The following COG6 variants were observed in gnomAD, a reference collection of about 807,000 sequenced individuals.
COG6 encodes the protein component of oligomeric golgi complex 6, also known as conserved oligomeric Golgi complex subunit 6.
COG6 carries 74 observed loss-of-function variants against 88.8 expected under a neutral mutation model. The ratio of observed to expected loss-of-function variants is 0.83; its 90% CI spans 0.69 to 1.01. The LOEUF is 1.01. Ranked by LOEUF, COG6 falls within the 50% of genes least tolerant of loss-of-function variation. The pLI is 0.00. For synonymous variants in COG6, 286 were observed against 278.7 expected (o/e 1.03, Z -0.26); for missense variants, 800 against 797.9 (o/e 1.00, Z -0.03).
intron 13 of COG6, among the ~76,000 whole-genome samples, chr13:39,718,773 G>T (rs1255473895): frequency 6.6e-6 from 1 of 152,020 alleles, no homozygotes; most frequent in African/African-American, 2.4e-5. Context: ...GGTGCTTGTT[G>T]AACTGTCAAT....
intron 13 of COG6, among the ~76,000 whole-genome samples, chr13:39,718,692 T>C (rs1878671598): frequency 6.6e-6 from 1 of 152,120 alleles, no homozygotes; most frequent in South Asian, 2.1e-4. Context: ...TTAATGGTAA[T>C]GTTATACTGT....
chr13:39,773,950 G>A lies in COG6; in HGVS notation c.1827-14385G>A, dbSNP rs147131284. Among the ~76,000 whole-genome samples, 3 of 151,666 alleles carry A rather than the reference G, an allele frequency of 2.0e-5. No homozygotes were observed. The East Asian group carries it at 5.8e-4, about 29-fold the overall frequency. On this transcript the variant is annotated intron_variant, in intron 18 of 18. Coordinates refer to the COG6 transcript ENST00000416691. ...AATTAATCATACAAGGGAATGTGAA[G>A]GTTGGCAGACGTTTGGTTAGAAATC...
intron 11 of COG6, among the ~76,000 whole-genome samples, chr13:39,693,877 A>G (rs1877115206): frequency 6.6e-6 from 1 of 151,994 alleles, no homozygotes; most frequent in African/African-American, 2.4e-5. Flanking sequence ...GGCAGAAGAC[A>G]TAATGTCTAT....
chr13:39,738,947 A>G (rs1173052317), intron 18 of COG6, among the ~76,000 whole-genome samples: 1 of 152,156 alleles, frequency 6.6e-6, no homozygotes, highest in East Asian at 1.9e-4. Context: ...ATATTTCTGC[A>G]TAGTCCTCTC....
At chr13:39,666,336 G>A (rs942680573) in intron 4 of COG6, among the ~76,000 whole-genome samples, 6 of 152,226 alleles carry the variant, frequency 3.9e-5, no homozygotes, top group Non-Finnish European at 8.8e-5. Flanking sequence ...AGGAGTTCAA[G>A]GTTGCAGTGG....
intron 18 of COG6, among the ~76,000 whole-genome samples, chr13:39,742,627 A>T (rs1437321391): frequency 6.6e-6 from 1 of 152,164 alleles, no homozygotes; most frequent in Non-Finnish European, 1.5e-5. Flanking sequence ...ACCTACAAAG[A>T]GGCTTAGACT....
At chr13:39,710,494 C>T (rs539129483) in intron 13 of COG6, among the ~76,000 whole-genome samples, 1 of 152,002 alleles carries the variant, frequency 6.6e-6, no homozygotes, top group Non-Finnish European at 1.5e-5. Context: ...AGAAAGGAGA[C>T]CACTTAGGAG....
intron 18 of COG6, among the ~76,000 whole-genome samples, chr13:39,742,042 C>T (rs954256403): frequency 6.6e-6 from 1 of 152,132 alleles, no homozygotes; most frequent in Non-Finnish European, 1.5e-5. Context: ...CCTTTACAGA[C>T]AAGCAAATGC....
chr13:39,758,560 A>G (rs1880918076), intron 18 of COG6, among the ~76,000 whole-genome samples: 1 of 152,186 alleles, frequency 6.6e-6, no homozygotes. Context: ...TGCACATACT[A>G]AGGTGGCTAT....
chr13:39,692,780 G>A (rs185470471), intron 11 of COG6, among the ~76,000 whole-genome samples: 1 of 152,048 alleles, frequency 6.6e-6, no homozygotes, highest in African/African-American at 2.4e-5. Flanking sequence ...TAATATCTCT[G>A]CCTTTATGGT....
chr13:39,682,990 C>T (rs568033915), intron 8 of COG6, among the ~76,000 whole-genome samples: 46 of 152,198 alleles, frequency 3.0e-4, no homozygotes, highest in Admixed American at 1.9e-3. Flanking sequence ...TCATCCCTTT[C>T]AGAATCTGTT....
rs1307156125 is a variant in COG6, at chr13:39,746,720, TAGAC to T, written c.1827-4222_1827-4219del. 4.6e-5 allele frequency among the ~76,000 whole-genome samples: 7 copies of T among 152,300 alleles called. No individual in the cohort carries two copies. In the South Asian group the frequency reaches 1.0e-3, roughly 23 times the overall value. ...ATAGACAGATAGATCAGTTGATTGA[TAGAC>T]AGATACTTAATATACTTTTTAAGAT... On this transcript the variant is annotated intron_variant, in intron 18 of 18. Transcript: ENST00000455146.
At chr13:39,656,583 T>G (rs1160239338) in intron 1 of COG6, among the ~76,000 whole-genome samples, 1 of 152,102 alleles carries the variant, frequency 6.6e-6, no homozygotes, top group Admixed American at 6.5e-5. Flanking sequence ...CTAGGTAAAT[T>G]GGTCATGACA....
At chr13:39,780,493 T>TA (rs1323895208) in intron 18 of COG6, among the ~76,000 whole-genome samples, 1 of 152,112 alleles carries the variant, frequency 6.6e-6, no homozygotes, top group Admixed American at 6.6e-5. Flanking sequence ...AAGTAAAAAA[T>TA]ACTATTTTTG....
At chr13:39,688,037 A>G (rs761762792) in intron 10 of COG6, among the ~76,000 whole-genome samples, 3 of 152,168 alleles carry the variant, frequency 2.0e-5, no homozygotes, top group Non-Finnish European at 2.9e-5. Flanking sequence ...GTGACCTTTC[A>G]TATCAAACCT....
intron 13 of COG6, among the ~76,000 whole-genome samples, chr13:39,700,689 A>C (rs756479022): frequency 1.3e-5 from 2 of 151,960 alleles, no homozygotes; most frequent in African/African-American, 2.4e-5. Context: ...TGTTGGCCTC[A>C]TTAAGGTTGC....
intron 1 of COG6, 76 bp downstream of exon 1, chr13:39,655,955 AC>A (rs1874459634): frequency 2.6e-6 from 4 of 1,525,700 alleles, no homozygotes; most frequent in South Asian, 2.4e-5. Context: ...TCTGTCAGGG[AC>A]CCACCGCGGT....
intron 18 of COG6, among the ~76,000 whole-genome samples, chr13:39,768,837 A>T (rs1881239960): frequency 6.6e-6 from 1 of 152,106 alleles, no homozygotes; most frequent in African/African-American, 2.4e-5. Context: ...CTGCCTGTGC[A>T]TATGTATCCC....
Position 39,750,935 on chromosome 13 carries a change from C to T in COG6, c.1827-11C>T. ...AAATGATGTGTTTACATTTTGTTTG[C>T]TTATCAATAGAGAGCAGATCGTAAA... On this transcript the variant is annotated splice_polypyrimidine_tract_variant and intron_variant, in intron 18 of 18. Transcript: ENST00000455146. 2.5e-6 allele frequency: 4 copies of T among 1,610,300 alleles called. No individual in the cohort carries two copies. Among genetic ancestry groups the T allele is most frequent in the Non-Finnish European group, 3.4e-6 (4 of 1,177,246 alleles).
Sources: gnomAD v4.1 joint callset for allele counts (sites outside exome capture counted in the v4.1 genomes callset) on GRCh38, gnomAD v4.1.1 for gene constraint, MANE v1.5 for transcripts, NCBI Gene and HGNC (gene_info 2026-07-23, HGNC 2026-07-21) for gene names.